The following EIF5B variants were observed in gnomAD, a reference collection of about 807,000 sequenced individuals.
EIF5B encodes eIF-5B.
EIF5B carries 47 observed loss-of-function variants against 147.5 expected under a neutral mutation model. That is an observed-to-expected ratio of 0.32 (90% CI 0.25 to 0.41). EIF5B has a LOEUF of 0.41. Ranked by LOEUF, EIF5B falls within the 10% of genes least tolerant of loss-of-function variation. EIF5B has a pLI of 1.00. For synonymous variants in EIF5B, 455 were observed against 456.2 expected (o/e 1.00, Z 0.03); for missense variants, 1,064 against 1,413.2 (o/e 0.75, Z 3.96).
At chr2:99,396,232 T>C (rs1675043268) in intron 21 of EIF5B, among the ~76,000 whole-genome samples, 1 of 152,220 alleles carries the variant, frequency 6.6e-6, no homozygotes, top group Non-Finnish European at 1.5e-5. Flanking sequence ...GCTGGAAACT[T>C]TTAAAGCATT....
chr2:99,371,692 A>G lies in EIF5B; in HGVS notation c.1514A>G (p.Asp505Gly). The change falls in exon 9 of 24, where the codon GAT becomes GGT. Residue 505 changes from aspartate to glycine, a missense_variant. By Grantham distance (94) the Asp-to-Gly change is moderately conservative (BLOSUM62 -1). Coordinates refer to ENST00000289371, the MANE Select transcript of EIF5B (RefSeq NM_015904.4). ...EEDTEDAGLD[D>G]WEAMASDEET... ...GATACTGAGGATGCTGGATTGGATG[A>G]TTGGGAAGCTATGGCCAGTGATGAG... is the stretch of plus-strand genomic sequence containing the variant. 6.2e-7 allele frequency: 1 copy of G among 1,613,308 alleles called. No individual in the cohort carries two copies. Among genetic ancestry groups the G allele is most frequent in the Non-Finnish European group, 8.5e-7 (1 of 1,179,584 alleles).
chr2:99,372,952 A>G (rs980809514), intron 9 of EIF5B, among the ~76,000 whole-genome samples: 1 of 151,848 alleles, frequency 6.6e-6, no homozygotes, highest in Non-Finnish European at 1.5e-5. Context: ...ACTGGGACCA[A>G]TGCCTTAAAA....
intron 9 of EIF5B, among the ~76,000 whole-genome samples, chr2:99,373,853 T>C (rs1674505091): frequency 6.6e-6 from 1 of 152,168 alleles, no homozygotes; most frequent in Non-Finnish European, 1.5e-5. Flanking sequence ...AGCTTAGCAG[T>C]TGTATACCTT....
rs767626569 is a variant in EIF5B, at chr2:99,361,614, G to A, written c.713G>A (p.Arg238His). The change falls in exon 4 of 24, where the codon CGC becomes CAC. Residue 238 changes from arginine (R) to histidine (H), a missense_variant. By Grantham distance (29) the Arg-to-His change is conservative (BLOSUM62 0). Transcript: ENST00000289371. ...VAQKKAEKKERERKKRDEEKA... is the reference protein window; with the variant it reads ...VAQKKAEKKEHERKKRDEEKA... ...CAAAAGAAGGCAGAAAAGAAGGAGCGCGAGAGAAAAAAGCGAGATGAAGAA... is the reference window on the plus strand; with the variant it reads ...CAAAAGAAGGCAGAAAAGAAGGAGCACGAGAGAAAAAAGCGAGATGAAGAA... The A allele has an allele frequency of 1.8e-5, 29 of 1,595,242 alleles. No homozygotes were observed. The highest frequency in any genetic ancestry group is 2.3e-5 in the Non-Finnish European group (27 of 1,175,606).
intron 17 of EIF5B, 38 bp downstream of exon 17, chr2:99,390,743 G>C: frequency 6.4e-7 from 1 of 1,571,096 alleles, no homozygotes; most frequent in Non-Finnish European, 8.7e-7. Context: ...GTGGGGACTT[G>C]TACAGTGTTT....
chr2:99,362,447 A>G (rs556373126), intron 4 of EIF5B, among the ~76,000 whole-genome samples: 2 of 152,146 alleles, frequency 1.3e-5, no homozygotes, highest in Non-Finnish European at 2.9e-5. Context: ...GTTCACGCCT[A>G]TAATCCCAGC....
At chr2:99,351,759 G>A (rs775086432) in intron 1 of EIF5B, among the ~76,000 whole-genome samples, 7 of 151,912 alleles carry the variant, frequency 4.6e-5, no homozygotes, top group Non-Finnish European at 7.4e-5. Context: ...GTGCAGTGGC[G>A]TGATCTTGGC....
chr2:99,337,881 C>A (rs906205297), intron 1 of EIF5B, among the ~76,000 whole-genome samples: 28 of 152,356 alleles, frequency 1.8e-4, no homozygotes, highest in African/African-American at 6.3e-4. Context: ...GAGGGTCAGG[C>A]GGCTTCGCCA....
At chr2:99,396,729 A>G in intron 21 of EIF5B, 31 bp from the exon 22 acceptor site, 15 of 1,570,648 alleles carry the variant, frequency 9.6e-6, no homozygotes, top group Non-Finnish European at 1.3e-5. Context: ...TGATTCTGTA[A>G]GCTTAAAATT....
At chr2:99,338,994 A>ATATATATATATACAAATATATT (rs2094252255) in intron 1 of EIF5B, among the ~76,000 whole-genome samples, 1 of 58,848 alleles carries the variant, frequency 1.7e-5, no homozygotes, top group Non-Finnish European at 4.7e-5. Flanking sequence ...ATATACACAA[A>ATATATATATATACAAATATATT]TATATATATA....
At chr2:99,341,097 T>C (rs996726080) in intron 1 of EIF5B, among the ~76,000 whole-genome samples, 1 of 152,326 alleles carries the variant, frequency 6.6e-6, no homozygotes, top group African/African-American at 2.4e-5. Context: ...GAGATTTTGA[T>C]GTGGTGTTTG....
rs1675154164 is a variant in EIF5B at position 99,399,526 on chromosome 2, A to C, written c.*112A>C. On this transcript the variant is annotated 3_prime_UTR_variant, in exon 24 of 24. Coordinates refer to ENST00000289371, the MANE Select transcript of EIF5B (RefSeq NM_015904.4). ...TATTTGGACACTGATGGACTTAAGT[A>C]TGGAAGGAAGAAAAATAGGTGTATA... 2 of 951,318 alleles carry C rather than the reference A, an allele frequency of 2.1e-6. No individual in the cohort carries two copies. Among genetic ancestry groups the C allele is most frequent in the Non-Finnish European group, 3.2e-6 (2 of 629,948 alleles). The allele number at this position is 951,318 out of a possible 1,614,324, so 58.9% of individuals were successfully genotyped here. A position where few individuals can be genotyped will look rare whatever the true frequency, so the allele number is the denominator to read the frequency against.
chr2:99,375,778 T>C (rs767928930), intron 9 of EIF5B, among the ~76,000 whole-genome samples: 7 of 152,180 alleles, frequency 4.6e-5, no homozygotes, highest in Non-Finnish European at 1.0e-4. Flanking sequence ...GAAAACACCA[T>C]GTTACTGCCT....
intron 9 of EIF5B, among the ~76,000 whole-genome samples, chr2:99,375,496 T>C (rs1674545641): frequency 6.6e-6 from 1 of 152,220 alleles, no homozygotes; most frequent in Non-Finnish European, 1.5e-5. Flanking sequence ...TGTAACCCAA[T>C]GTCTGCTCAC....
intron 21 of EIF5B, among the ~76,000 whole-genome samples, chr2:99,396,220 C>T (rs903075767): frequency 6.6e-6 from 1 of 152,178 alleles, no homozygotes; most frequent in African/African-American, 2.4e-5. Flanking sequence ...CTTAACAAGA[C>T]TGCTGGAAAC....
chr2:99,342,279 G>T (rs1221104073), intron 1 of EIF5B, among the ~76,000 whole-genome samples: 1 of 151,830 alleles, frequency 6.6e-6, no homozygotes, highest in Non-Finnish European at 1.5e-5. Context: ...TATCAGTTGA[G>T]ATTGATTTCA....
chr2:99,395,514 T>G (rs1559261773), intron 21 of EIF5B, among the ~76,000 whole-genome samples: 1 of 152,212 alleles, frequency 6.6e-6, no homozygotes, highest in Non-Finnish European at 1.5e-5. Flanking sequence ...TTTGTATTTT[T>G]GGTAGAGATA....
At position 99,394,902 on chromosome 2, in the gene EIF5B, T is replaced by G. The variant is rs952473996; in HGVS notation, c.3254+19T>G. 6.5e-7 allele frequency: 1 copy of G among 1,545,682 alleles called. No individual in the cohort carries two copies. The highest frequency in any genetic ancestry group is 8.8e-7 in the Non-Finnish European group (1 of 1,141,080). ...AATTTAAGTAAGTTACTGTTTTTATTTACTTTGAGTCTTTGTTAATGAACA... is the reference window on the plus strand; with the variant it reads ...AATTTAAGTAAGTTACTGTTTTTATGTACTTTGAGTCTTTGTTAATGAACA... On this transcript the variant is annotated intron_variant, in intron 21 of 23. Coordinates refer to ENST00000289371, the MANE Select transcript of EIF5B (RefSeq NM_015904.4).
chr2:99,346,959 T>C (rs541393018), intron 1 of EIF5B, among the ~76,000 whole-genome samples: 1 of 152,126 alleles, frequency 6.6e-6, no homozygotes, highest in Non-Finnish European at 1.5e-5. Context: ...ATCCTAAATA[T>C]AAACTTGTAT....
Sources: gnomAD v4.1 joint callset for allele counts (sites outside exome capture counted in the v4.1 genomes callset) on GRCh38, gnomAD v4.1.1 for gene constraint, MANE v1.5 for transcripts, NCBI Gene and HGNC (gene_info 2026-07-23, HGNC 2026-07-21) for gene names.